PCDHA1: variants seen among roughly 807,000 people sequenced by gnomAD.
The protein encoded by PCDHA1 is protocadherin alpha-1.
A neutral mutation model predicts 61.3 loss-of-function variants in PCDHA1; 42 were observed. The ratio of observed to expected loss-of-function variants is 0.69; its 90% CI spans 0.54 to 0.89. The LOEUF (loss-of-function observed/expected upper bound fraction) is 0.89. Ranked by LOEUF, PCDHA1 falls within the 40% of genes least tolerant of loss-of-function variation. PCDHA1 has a pLI of 0.00. For missense variants in PCDHA1, 1,256 were observed against 1,235.3 expected, an observed-to-expected ratio of 1.02 and a Z score of -0.25; for synonymous variants, 610 against 553.8, an observed-to-expected ratio of 1.10 and a Z score of -1.43.
intron 1 of PCDHA1, chr5:140,868,109 A>G (rs1371639409): frequency 6.6e-6 from 1 of 152,124 alleles, no homozygotes; most frequent in Non-Finnish European, 1.5e-5. Flanking sequence ...AATTTATTTT[A>G]TAGTTGAAAA....
chr5:140,855,718 G>T (rs1468611504), intron 1 of PCDHA1, among the ~76,000 whole-genome samples: 1 of 149,568 alleles, frequency 6.7e-6, no homozygotes, highest in Non-Finnish European at 1.5e-5. Flanking sequence ...AACATTTATT[G>T]TTATTAACTA....
chr5:141,002,120 T>C (rs1416494483), intron 3 of PCDHA1, among the ~76,000 whole-genome samples: 1 of 152,250 alleles, frequency 6.6e-6, no homozygotes, highest in African/African-American at 2.4e-5. Context: ...CTATAATCAT[T>C]TAATAGCCTT....
In PCDHA1 at chr5:140,904,046, T is replaced by C. The variant is rs2153483198; in HGVS notation, c.2395-74903T>C. 2.0e-5 allele frequency among the ~76,000 whole-genome samples: 3 copies of C among 152,346 alleles called. No homozygotes were observed. The East Asian group carries it at 5.8e-4, about 29-fold the overall frequency. ...GTATAATTTAACTTTTTAATTTTTT[T>C]ATTTCAATGGGTTTTTGGGGAACAG... On this transcript the variant is annotated intron_variant, in intron 1 of 3. Coordinates refer to ENST00000504120, the MANE Select transcript of PCDHA1 (RefSeq NM_018900.4).
intron 1 of PCDHA1, chr5:140,841,825 A>C: frequency 6.2e-7 from 1 of 1,613,926 alleles, no homozygotes; most frequent in Non-Finnish European, 8.5e-7. Context: ...ACTCCGTGTT[A>C]ACCTACAGGC....
intron 1 of PCDHA1, chr5:140,795,092 C>T: frequency 1.9e-6 from 3 of 1,613,984 alleles, no homozygotes; most frequent in Non-Finnish European, 2.5e-6. Flanking sequence ...AAACACGGCA[C>T]CTTCGTGGGC....
chr5:140,822,854 A>G (rs2150119822), intron 1 of PCDHA1: 1 of 1,614,206 alleles, frequency 6.2e-7, no homozygotes, highest in Non-Finnish European at 8.5e-7. Context: ...CCTGTCAAAG[A>G]GGACGCTCCA....
chr5:141,009,999 G>A lies in PCDHA1; in HGVS notation c.*62G>A. 1 of 1,575,110 alleles carries A rather than the reference G, an allele frequency of 6.3e-7. No individual in the cohort carries two copies. The highest frequency in any genetic ancestry group is 1.2e-5 in the South Asian group (1 of 82,646). On this transcript the variant is annotated 3_prime_UTR_variant, in exon 4 of 4. Coordinates refer to ENST00000504120, the MANE Select transcript of PCDHA1 (RefSeq NM_018900.4). ...TGTAATAATGGCAAATCTCTCCCAT[G>A]TAGCAATTCCCTGCTCCTTTTTCCT...
intron 1 of PCDHA1, chr5:140,882,864 C>T (rs2059340057): frequency 6.2e-7 from 1 of 1,614,200 alleles, no homozygotes; most frequent in East Asian, 2.2e-5. Flanking sequence ...CTGAGGAAAA[C>T]ACTGGACAGA....
intron 1 of PCDHA1, chr5:140,834,421 A>G (rs1772980972): frequency 6.2e-7 from 1 of 1,612,030 alleles, no homozygotes; most frequent in Non-Finnish European, 8.5e-7. Flanking sequence ...GGGGGCCGAC[A>G]TCTACTGCTG....
chr5:140,899,752 A>G lies in PCDHA1; in HGVS notation c.2395-79197A>G, dbSNP rs190521600. On this transcript the variant is annotated intron_variant, in intron 1 of 3. Transcript: ENST00000504120. ...ATTGATTGGAATAGTTTCAGAAGGA[A>G]TGGTACCAGTTCCTCCTTTTACCTC... Among the ~76,000 whole-genome samples the G allele has an allele frequency of 4.0e-4, 61 of 152,320 alleles. No homozygotes were observed. The East Asian group carries it at 8.7e-3, about 22-fold the overall frequency.
intron 1 of PCDHA1, chr5:140,803,302 T>C: frequency 6.2e-7 from 1 of 1,614,112 alleles, no homozygotes; most frequent in Non-Finnish European, 8.5e-7. Context: ...TACTTGATCG[T>C]CGCCATCTGC....
At chr5:140,909,907 A>C (rs1554194005) in intron 1 of PCDHA1, among the ~76,000 whole-genome samples, 1 of 152,168 alleles carries the variant, frequency 6.6e-6, no homozygotes, top group African/African-American at 2.4e-5. Flanking sequence ...CTGAAATGGC[A>C]ATCATTTCCC....
At position 140,788,137 on chromosome 5, in the gene PCDHA1, G is replaced by T; in HGVS notation, c.1847G>T (p.Gly616Val). The change falls in exon 1 of 4, where the codon GGC becomes GTC. Residue 616 changes from glycine to valine, a missense_variant. Gly to Val is a moderately radical substitution (Grantham distance 109). Transcript: ENST00000504120. ...WLSYELQPAA[G>V]GARIPFRVGL... ...TCCTATGAACTGCAGCCGGCAGCAG[G>T]CGGCGCGCGCATCCCGTTCCGCGTG... 1 of 1,613,960 alleles carries T rather than the reference G, an allele frequency of 6.2e-7. No individual in the cohort carries two copies. Among genetic ancestry groups the T allele is most frequent in the East Asian group, 2.2e-5 (1 of 44,858 alleles).
chr5:140,858,421 G>C (rs782781172), intron 1 of PCDHA1: 2 of 1,557,082 alleles, frequency 1.3e-6, no homozygotes, highest in African/African-American at 1.4e-5. Context: ...CTATTGGAGG[G>C]GACCACTCTA....
At chr5:141,001,476 G>A (rs1554258187) in intron 3 of PCDHA1, among the ~76,000 whole-genome samples, 1 of 152,226 alleles carries the variant, frequency 6.6e-6, no homozygotes, top group Admixed American at 6.5e-5. Flanking sequence ...CAGCAGCGGG[G>A]AAGTGCTGGA....
intron 3 of PCDHA1, among the ~76,000 whole-genome samples, chr5:140,996,886 T>C (rs1396322934): frequency 6.6e-6 from 1 of 152,218 alleles, no homozygotes; most frequent in Non-Finnish European, 1.5e-5. Context: ...TATTTTTAAA[T>C]AAAATAGAAT....
chr5:140,852,153 T>C, intron 1 of PCDHA1: 1 of 858,712 alleles, frequency 1.2e-6, no homozygotes, highest in Non-Finnish European at 1.4e-6. Context: ...CAGAATGGCC[T>C]TGAGAATAGA....
intron 1 of PCDHA1, chr5:140,967,899 C>G: frequency 6.2e-7 from 1 of 1,614,180 alleles, no homozygotes; most frequent in African/African-American, 1.3e-5. Flanking sequence ...CCTGAGAATG[C>G]TACACCCAAC....
chr5:140,845,771 A>C (rs1034344709), intron 1 of PCDHA1, among the ~76,000 whole-genome samples: 1 of 149,762 alleles, frequency 6.7e-6, no homozygotes, highest in African/African-American at 2.4e-5. Flanking sequence ...GTTAATAGTT[A>C]TAAATTATTA....
Sources: gnomAD v4.1 joint callset for allele counts (sites outside exome capture counted in the v4.1 genomes callset) on GRCh38, gnomAD v4.1.1 for gene constraint, MANE v1.5 for transcripts, NCBI Gene and HGNC (gene_info 2026-07-23, HGNC 2026-07-21) for gene names.